DNAH9: variants seen among roughly 807,000 people sequenced by gnomAD.
DNAH9 encodes dynein axonemal heavy chain 9, also known as DNAH9 variant protein.
Under a neutral mutation model 471.6 loss-of-function variants are expected in DNAH9, and 345 were observed. The ratio of observed to expected loss-of-function variants is 0.73; its 90% CI spans 0.67 to 0.80. The LOEUF is 0.80. Ranked by LOEUF, DNAH9 falls within the 30% of genes least tolerant of loss-of-function variation. The probability of loss-of-function intolerance (pLI) is 0.00; values close to 1 mark genes in which losing one functional copy is unlikely to be tolerated. For missense variants in DNAH9, 5,407 were observed against 5,609.2 expected (o/e 0.96, Z 1.15); for synonymous variants, 2,093 against 2,123.6 (o/e 0.99, Z 0.40).
At chr17:11,913,478 T>G (rs1461900957) in intron 61 of DNAH9, among the ~76,000 whole-genome samples, 1 of 152,086 alleles carries the variant, frequency 6.6e-6, no homozygotes, top group Admixed American at 6.5e-5. Context: ...TATAACTAAA[T>G]GCTATTAGAA....
At chr17:11,958,562 T>TATGG in intron 67 of DNAH9, among the ~76,000 whole-genome samples, 2 of 152,118 alleles carry the variant, frequency 1.3e-5, no homozygotes, top group Admixed American at 1.3e-4. Flanking sequence ...TACGGTAAAC[T>TATGG]ACGGACTCTG....
chr17:11,637,813 G>T (rs983364949), intron 9 of DNAH9, among the ~76,000 whole-genome samples: 7 of 152,072 alleles, frequency 4.6e-5, no homozygotes, highest in Admixed American at 2.6e-4. Flanking sequence ...CCCAAGCAAA[G>T]ATGCATTGTG....
At chr17:11,822,272 G>A (rs566852157) in intron 46 of DNAH9, among the ~76,000 whole-genome samples, 166 bp from the exon 47 acceptor site, 15 of 152,292 alleles carry the variant, frequency 9.8e-5, no homozygotes, top group Admixed American at 3.9e-4. Context: ...CAGTCCCAGC[G>A]TTTTTGATCT....
chr17:11,642,566 A>G (rs1045992463), intron 10 of DNAH9, among the ~76,000 whole-genome samples: 4 of 152,182 alleles, frequency 2.6e-5, no homozygotes, highest in Non-Finnish European at 5.9e-5. Flanking sequence ...AAAAAAGTGT[A>G]TTCTATTCTA....
chr17:11,793,798 T>G lies in DNAH9; in HGVS notation c.8223+134T>G, dbSNP rs377639682. On this transcript the variant is annotated intron_variant, in intron 42 of 68. Transcript: ENST00000262442. ...TTAGGTGAGGAAGGAAATTCTGTCA[T>G]AATTTTGCCCAGGTAAAAAAATGCT... The G allele has an allele frequency of 3.2e-4, 249 of 771,552 alleles. No homozygotes were observed. The African/African-American group carries it at 3.6e-3, about 11-fold the overall frequency. 47.8% of individuals were successfully genotyped at this position (771,552 alleles called of 1,614,324 possible).
chr17:11,664,991 G>A (rs2150721368), intron 15 of DNAH9, 23 bp downstream of exon 15: 1 of 1,601,206 alleles, frequency 6.2e-7, no homozygotes, highest in Non-Finnish European at 8.5e-7. Context: ...TTATGGATGT[G>A]GGTTATTATT....
intron 14 of DNAH9, among the ~76,000 whole-genome samples, chr17:11,658,544 G>A (rs547149321): frequency 5.3e-5 from 8 of 151,580 alleles, no homozygotes; most frequent in African/African-American, 1.7e-4. Flanking sequence ...TCAGTATAAC[G>A]TTGAAGTGGT....
At chr17:11,923,591 A>G (rs1054203315) in intron 61 of DNAH9, among the ~76,000 whole-genome samples, 2 of 152,170 alleles carry the variant, frequency 1.3e-5, no homozygotes, top group African/African-American at 4.8e-5. Context: ...GATTACAGGC[A>G]TGAGCCACTG....
chr17:11,609,800 G>A (rs1257975317), intron 2 of DNAH9, among the ~76,000 whole-genome samples: 1 of 152,150 alleles, frequency 6.6e-6, no homozygotes, highest in Non-Finnish European at 1.5e-5. Flanking sequence ...GGAACAATGA[G>A]GACCAAGTGA....
chr17:11,788,772 A>G (rs1483916909), intron 41 of DNAH9, among the ~76,000 whole-genome samples: 2 of 152,170 alleles, frequency 1.3e-5, no homozygotes, highest in Admixed American at 1.3e-4. Flanking sequence ...CTCAAGTACA[A>G]TGTTGGAGAG....
chr17:11,647,741 G>A (rs1319850774), intron 12 of DNAH9, among the ~76,000 whole-genome samples: 4 of 152,128 alleles, frequency 2.6e-5, no homozygotes, highest in African/African-American at 7.2e-5. Flanking sequence ...ACCTTAACAT[G>A]CAAAATTTTA....
At chr17:11,608,452 G>A in intron 2 of DNAH9, 127 bp downstream of exon 2, 1 of 756,326 alleles carries the variant, frequency 1.3e-6, no homozygotes, top group Admixed American at 2.7e-5. Context: ...CAAGCCTACT[G>A]TCTGCTCTGT....
At chr17:11,786,437 C>G (rs1210094520) in intron 41 of DNAH9, among the ~76,000 whole-genome samples, 1 of 152,118 alleles carries the variant, frequency 6.6e-6, no homozygotes, top group Non-Finnish European at 1.5e-5. Context: ...GGAAAGGTAA[C>G]TTGAGACCAG....
At chr17:11,858,071 G>A (rs1019759981) in intron 50 of DNAH9, among the ~76,000 whole-genome samples, 3 of 152,192 alleles carry the variant, frequency 2.0e-5, no homozygotes, top group African/African-American at 7.2e-5. Context: ...GTTAACAGTG[G>A]TGGTGATCTC....
chr17:11,891,647 G>A, intron 57 of DNAH9, 130 bp from the exon 58 acceptor site: 2 of 1,084,014 alleles, frequency 1.8e-6, no homozygotes, highest in Non-Finnish European at 2.6e-6. Flanking sequence ...TCACAGGCAT[G>A]AGCCACCGTG....
intron 35 of DNAH9, among the ~76,000 whole-genome samples, chr17:11,760,951 T>G (rs568043001): frequency 2.2e-4 from 33 of 152,252 alleles, no homozygotes; most frequent in Admixed American, 3.9e-4. Flanking sequence ...GTCACAGTGT[T>G]GTAATGCCAG....
chr17:11,658,802 T>A (rs1367988416), intron 14 of DNAH9, among the ~76,000 whole-genome samples: 1 of 152,202 alleles, frequency 6.6e-6, no homozygotes, highest in Non-Finnish European at 1.5e-5. Context: ...TTTGTTCTTT[T>A]TTTTTCAAAT....
intron 67 of DNAH9, among the ~76,000 whole-genome samples, chr17:11,950,586 C>A (rs1309635821): frequency 6.6e-6 from 1 of 152,128 alleles, no homozygotes; most frequent in African/African-American, 2.4e-5. Context: ...CCAGGCTGGT[C>A]TCCAACTACT....
intron 29 of DNAH9, among the ~76,000 whole-genome samples, chr17:11,741,364 G>A (rs1385066959): frequency 2.0e-5 from 3 of 152,176 alleles, no homozygotes; most frequent in Non-Finnish European, 4.4e-5. Context: ...TCTGTGTCAA[G>A]ATAGGGTTAA....
Sources: allele counts gnomAD v4.1 joint callset (sites outside exome capture counted in the v4.1 genomes callset), GRCh38; gene constraint gnomAD v4.1.1; transcripts MANE v1.5; gene names NCBI Gene and HGNC (gene_info 2026-07-23, HGNC 2026-07-21).